Variants in FAM184A observed in about 807,000 individuals in gnomAD.
The protein encoded by FAM184A is protein FAM184A.
A neutral mutation model predicts 143.8 loss-of-function variants in FAM184A; 99 were observed. The ratio of observed to expected loss-of-function variants is 0.69; its 90% CI spans 0.58 to 0.81. The LOEUF (loss-of-function observed/expected upper bound fraction) is 0.81, where lower values mean the gene tolerates loss of function less well. Among genes scored for constraint, FAM184A ranks in the 40% least tolerant of loss-of-function variants. The pLI, the probability that FAM184A is intolerant of heterozygous loss-of-function variation, is 0.00. For synonymous variants in FAM184A, 427 were observed against 446.4 expected (o/e 0.96, Z 0.55); for missense variants, 1,217 against 1,310.5 (o/e 0.93, Z 1.10).
At chr6:119,086,214 G>A (rs1788218692) in intron 1 of FAM184A, among the ~76,000 whole-genome samples, 1 of 152,226 alleles carries the variant, frequency 6.6e-6, no homozygotes, top group Admixed American at 6.5e-5. Flanking sequence ...TCTTTCATGA[G>A]ATTGTTTATG....
rs781349718 is a variant in FAM184A at position 118,980,170 on chromosome 6, T to C, written c.2269A>G (p.Thr757Ala). The change falls in exon 10 of 18, where the codon ACT (threonine) becomes GCT (alanine). Residue 757 changes from threonine (T) to alanine (A), a missense_variant. Coordinates refer to ENST00000338891, the MANE Select transcript of FAM184A (RefSeq NM_024581.6). ...TCCTTTTCCTTTTCCTCTTCCATAG[T>C]TTGAAATGCAAGGACATGTGCTTCT... ...LKEAHVLAFQ[T>A]MEEEKEKEQR... The C allele has an allele frequency of 1.2e-6, 2 of 1,614,172 alleles. No individual in the cohort carries two copies. Among genetic ancestry groups the C allele is most frequent in the Admixed American group, 1.7e-5 (1 of 60,024 alleles).
At chr6:119,053,063 A>G (rs1223641401) in intron 1 of FAM184A, among the ~76,000 whole-genome samples, 1 of 152,206 alleles carries the variant, frequency 6.6e-6, no homozygotes, top group Non-Finnish European at 1.5e-5. Flanking sequence ...AAAGGCATCG[A>G]AATACCTCAG....
At chr6:119,096,220 A>G (rs1788503180) in intron 1 of FAM184A, among the ~76,000 whole-genome samples, 1 of 152,100 alleles carries the variant, frequency 6.6e-6, no homozygotes, top group Non-Finnish European at 1.5e-5. Flanking sequence ...CTCATCTCTC[A>G]TGACACTTGT....
chr6:119,105,151 G>A (rs1229328532), intron 1 of FAM184A, among the ~76,000 whole-genome samples: 1 of 152,164 alleles, frequency 6.6e-6, no homozygotes, highest in Non-Finnish European at 1.5e-5. Flanking sequence ...GGGATAAAAT[G>A]TGGACTTTAG....
chr6:119,067,724 G>A (rs1289056655), intron 1 of FAM184A, among the ~76,000 whole-genome samples: 6 of 152,152 alleles, frequency 3.9e-5, no homozygotes, highest in African/African-American at 7.2e-5. Flanking sequence ...CAACGACCAC[G>A]AATAATGAGA....
intron 14 of FAM184A, among the ~76,000 whole-genome samples, chr6:118,970,008 A>ATATATATATATTTTTTTTT: frequency 5.2e-5 from 1 of 19,052 alleles, no homozygotes; most frequent in Non-Finnish European, 1.1e-4. Flanking sequence ...ATATATATAT[A>ATATATATATATTTTTTTTT]TTTTTTTTTT....
chr6:119,089,280 T>G (rs1166396765), intron 1 of FAM184A, among the ~76,000 whole-genome samples: 2 of 151,870 alleles, frequency 1.3e-5, no homozygotes, highest in African/African-American at 4.8e-5. Flanking sequence ...CTTGGCTCAC[T>G]GCAACCTCCA....
intron 1 of FAM184A, among the ~76,000 whole-genome samples, chr6:119,052,383 G>A (rs1179240768): frequency 6.6e-6 from 1 of 152,074 alleles, no homozygotes; most frequent in Non-Finnish European, 1.5e-5. Context: ...ACATCATGAT[G>A]TCTGCACTTA....
At chr6:119,115,631 A>G (rs1175257529) in intron 1 of FAM184A, among the ~76,000 whole-genome samples, 1 of 152,170 alleles carries the variant, frequency 6.6e-6, no homozygotes, top group Admixed American at 6.5e-5. Flanking sequence ...TGAGTACAGC[A>G]GGTCAAGTTT....
chr6:119,046,564 T>A (rs78560921), intron 1 of FAM184A, among the ~76,000 whole-genome samples: 3 of 149,014 alleles, frequency 2.0e-5, no homozygotes, highest in Non-Finnish European at 1.5e-5. Flanking sequence ...ACCTACCAAA[T>A]AAAAAAAAAA....
At chr6:119,068,683 C>T (rs376052624) in intron 1 of FAM184A, among the ~76,000 whole-genome samples, 15 of 152,242 alleles carry the variant, frequency 9.9e-5, no homozygotes, top group Admixed American at 3.3e-4. Flanking sequence ...TGTGGCTCTC[C>T]GGCTGCCCAT....
At chr6:119,131,642 T>C (rs1789537767) in intron 1 of FAM184A, among the ~76,000 whole-genome samples, 2 of 152,106 alleles carry the variant, frequency 1.3e-5, no homozygotes, top group South Asian at 2.1e-4. Flanking sequence ...TGTGCCACTA[T>C]GCTAGACTAA....
intron 1 of FAM184A, among the ~76,000 whole-genome samples, chr6:119,042,407 A>C (rs1271919095): frequency 2.0e-5 from 3 of 152,220 alleles, no homozygotes; most frequent in Non-Finnish European, 2.9e-5. Flanking sequence ...ACTTGGCTTC[A>C]AAATAAACTG....
At chr6:119,022,374 G>A (rs75621178) in intron 3 of FAM184A, among the ~76,000 whole-genome samples, 2,745 of 151,820 alleles carry the variant, frequency 0.018, 32 homozygotes, top group Middle Eastern at 0.048. Context: ...TTCTTTTAGT[G>A]ACTACTTTAT....
intron 1 of FAM184A, among the ~76,000 whole-genome samples, chr6:119,140,227 G>C (rs1314308662): frequency 6.6e-6 from 1 of 152,224 alleles, no homozygotes; most frequent in Non-Finnish European, 1.5e-5. Flanking sequence ...GGGTGTGGTA[G>C]GGAGAGGACA....
intron 1 of FAM184A, among the ~76,000 whole-genome samples, chr6:119,062,718 G>A (rs1562134029): frequency 6.6e-6 from 1 of 152,134 alleles, no homozygotes; most frequent in African/African-American, 2.4e-5. Context: ...CATGGTAAAA[G>A]CAGTTGCACT....
intron 1 of FAM184A, among the ~76,000 whole-genome samples, chr6:119,072,207 C>T (rs1381534032): frequency 6.6e-6 from 1 of 152,128 alleles, no homozygotes; most frequent in African/African-American, 2.4e-5. Flanking sequence ...TAAAGGAAGT[C>T]CCTTTATAAG....
chr6:119,091,130 T>C (rs1788353314), intron 1 of FAM184A, among the ~76,000 whole-genome samples: 1 of 152,234 alleles, frequency 6.6e-6, no homozygotes, highest in Non-Finnish European at 1.5e-5. Flanking sequence ...GTATTAATGC[T>C]GTGTACTAAT....
At chr6:118,974,777 T>C (rs953590863) in intron 13 of FAM184A, among the ~76,000 whole-genome samples, 1 of 152,146 alleles carries the variant, frequency 6.6e-6, no homozygotes, top group African/African-American at 2.4e-5. Context: ...CAAATAACAT[T>C]TTAAAAAGAA....
Sources: allele counts gnomAD v4.1 joint callset (sites outside exome capture counted in the v4.1 genomes callset), GRCh38; gene constraint gnomAD v4.1.1; transcripts MANE v1.5; gene names NCBI Gene and HGNC (gene_info 2026-07-23, HGNC 2026-07-21).